Variants in ZPBP observed in about 807,000 individuals in gnomAD.
ZPBP encodes zona pellucida binding protein, also known as zona pellucida-binding protein 1.
In ZPBP, 26 loss-of-function variants were observed where a neutral mutation model predicts 44.8. The ratio of observed to expected loss-of-function variants is 0.58; its 90% confidence interval spans 0.43 to 0.81. The LOEUF (loss-of-function observed/expected upper bound fraction) is 0.81. ZPBP is among the 30% of genes least tolerant of loss of function. ZPBP has a pLI of 0.00. For synonymous variants in ZPBP, 174 were observed against 153.2 expected (o/e 1.14, Z -1.00); for missense variants, 409 against 434.0 (o/e 0.94, Z 0.51).
chr7:50,086,130 TGG>T (rs1802634089), intron 2 of ZPBP, among the ~76,000 whole-genome samples: 1 of 152,152 alleles, frequency 6.6e-6, no homozygotes, highest in African/African-American at 2.4e-5. Context: ...GAGATTTCAG[TGG>T]TTATGGGATA....
At chr7:50,005,817 CTA>C (rs1300340516) in intron 6 of ZPBP, among the ~76,000 whole-genome samples, 42 of 119,216 alleles carry the variant, frequency 3.5e-4, no homozygotes, top group Admixed American at 2.9e-3. Context: ...AACTTCATAA[CTA>C]TATATGTGTG....
In ZPBP at chr7:49,903,116, G is replaced by T. The variant is rs1792866382; in HGVS notation, n.412-1901C>A. The stretch of plus-strand genomic sequence containing the variant: ...ACAAAAACTTGTGACAAGATCAAAT[G>T]CTGGTAAAGATGTGAGTAAACTGGA... On this transcript the variant is annotated intron_variant and non_coding_transcript_variant, in intron 1 of 2. Coordinates refer to the ZPBP transcript ENST00000465922. 2.0e-5 allele frequency among the ~76,000 whole-genome samples: 3 copies of T among 152,142 alleles called. 1 individual carries two copies. In the South Asian group the frequency reaches 6.2e-4, roughly 31 times the overall value.
chr7:50,036,772 T>C (rs1369007850), intron 4 of ZPBP, among the ~76,000 whole-genome samples: 1 of 151,436 alleles, frequency 6.6e-6, no homozygotes, highest in African/African-American at 2.4e-5. Flanking sequence ...ACCCAAAAAA[T>C]AGAAAGAAAA....
intron 3 of ZPBP, among the ~76,000 whole-genome samples, chr7:50,073,705 G>A (rs1801953269): frequency 6.6e-6 from 1 of 152,104 alleles, no homozygotes; most frequent in Non-Finnish European, 1.5e-5. Flanking sequence ...TCTGGCAGCA[G>A]ACTTTTCAGT....
chr7:50,047,924 T>C (rs1800469756), intron 4 of ZPBP, among the ~76,000 whole-genome samples: 1 of 152,150 alleles, frequency 6.6e-6, no homozygotes. Context: ...ATGAGAAATA[T>C]GTTTCCGTTG....
downstream of ZPBP, among the ~76,000 whole-genome samples, chr7:49,932,733 A>G (rs1794488426): frequency 6.6e-6 from 1 of 152,128 alleles, no homozygotes; most frequent in Non-Finnish European, 1.5e-5. Context: ...TATATGGTTT[A>G]GCTGTGTCCC....
In ZPBP at chr7:50,093,121, C is replaced by T. The variant is rs61696422; in HGVS notation, c.74G>A (p.Arg25Gln). The T allele has an allele frequency of 3.1e-5, 49 of 1,580,462 alleles. No individual in the cohort carries two copies. Among genetic ancestry groups the T allele is most frequent in the African/African-American group, 6.8e-5 (5 of 73,742 alleles). The stretch of plus-strand genomic sequence containing the variant: ...GGAGATAAAGAGGAGGATGGCGGCC[C>T]GAGAGAGCAGGGAGCCGGCGGCCCG... ...RTRAAGSLLS[R>Q]AAILLFISAF... Residue 25 changes from arginine to glutamine, a missense_variant, in exon 1 of 8, where the codon CGG becomes CAG. Physicochemically the swap from Arg to Gln is conservative, Grantham distance 43. Coordinates refer to ENST00000046087, the MANE Select transcript of ZPBP (RefSeq NM_007009.3).
At chr7:50,054,192 T>G (rs1342273452) in intron 4 of ZPBP, among the ~76,000 whole-genome samples, 1 of 151,882 alleles carries the variant, frequency 6.6e-6, no homozygotes, top group Non-Finnish European at 1.5e-5. Flanking sequence ...GGAAACAATC[T>G]CTTAGAAAAC....
chr7:49,959,502 A>G (rs1795758203), intron 7 of ZPBP, among the ~76,000 whole-genome samples: 1 of 152,142 alleles, frequency 6.6e-6, no homozygotes, highest in African/African-American at 2.4e-5. Flanking sequence ...AAATAACTCA[A>G]TTTAAAAGAG....
At chr7:49,969,803 GTATA>G (rs754621506) in intron 7 of ZPBP, among the ~76,000 whole-genome samples, 1,822 of 133,184 alleles carry the variant, frequency 0.014, 24 homozygotes, top group East Asian at 0.083. Context: ...GTTAATAAAT[GTATA>G]TATATATATA....
chr7:49,922,064 A>C (rs1331265404), intron 1 of ZPBP: 4 of 152,204 alleles, frequency 2.6e-5, no homozygotes, highest in African/African-American at 9.6e-5. Context: ...AAAATACTTA[A>C]AATGCTTTAA....
At chr7:50,008,494 T>C (rs1798417296) in intron 6 of ZPBP, among the ~76,000 whole-genome samples, 1 of 151,932 alleles carries the variant, frequency 6.6e-6, no homozygotes, top group Non-Finnish European at 1.5e-5. Flanking sequence ...CCAATGCCAT[T>C]TTTTTTGCAG....
rs573916395 is a variant in ZPBP, at chr7:49,937,968, A to G, written c.962-346T>C. ...CCCTTGCATGCATGCACAGTTGACAATAGGGTTGGTACTCCTATGAGAATC... is the reference window on the plus strand; with the variant it reads ...CCCTTGCATGCATGCACAGTTGACAGTAGGGTTGGTACTCCTATGAGAATC... On this transcript the variant is annotated intron_variant, in intron 7 of 7. Transcript: ENST00000046087. Among the ~76,000 whole-genome samples the G allele has an allele frequency of 2.6e-5, 4 of 152,300 alleles. No individual in the cohort carries two copies. In the South Asian group the frequency reaches 8.3e-4, roughly 32 times the overall value.
chr7:50,011,456 T>C (rs1478627680), intron 6 of ZPBP, among the ~76,000 whole-genome samples: 1 of 152,150 alleles, frequency 6.6e-6, no homozygotes, highest in Admixed American at 6.6e-5. Context: ...CTAAAATATT[T>C]ACTATGTGGT....
At chr7:49,931,315 G>A (rs1794435367) in intron 1 of ZPBP, among the ~76,000 whole-genome samples, 1 of 152,212 alleles carries the variant, frequency 6.6e-6, no homozygotes, top group Non-Finnish European at 1.5e-5. Flanking sequence ...AGTTTGGAGG[G>A]CTCAGAAGAA....
In ZPBP at chr7:49,943,564, C is replaced by T. The variant is rs142922634; in HGVS notation, c.962-5942G>A. ...CAGAAGCTGAATAAATGCTCCTTTG[C>T]GAAAGGGGTCAGTAAGACTTGCATG... On this transcript the variant is annotated intron_variant, in intron 7 of 7. Coordinates refer to ENST00000046087, the MANE Select transcript of ZPBP (RefSeq NM_007009.3). The T allele has an allele frequency of 1.3e-3, 511 of 379,760 alleles. 1 individual carries two copies. Among genetic ancestry groups the T allele is most frequent in the African/African-American group, 9.1e-3 (421 of 46,482 alleles). 23.5% of individuals were successfully genotyped at this position (379,760 alleles called of 1,614,324 possible).
intron 6 of ZPBP, among the ~76,000 whole-genome samples, chr7:50,010,473 A>G (rs1025175539): frequency 3.3e-5 from 5 of 152,162 alleles, no homozygotes; most frequent in South Asian, 2.1e-4. Flanking sequence ...ATAGAAAATT[A>G]CTAAAACGTT....
the ZPBP span, among the ~76,000 whole-genome samples, chr7:49,842,403 A>G: frequency 6.6e-6 from 1 of 152,192 alleles, no homozygotes; most frequent in East Asian, 1.9e-4. Flanking sequence ...TTTTAATTGG[A>G]TGCCTTTAGG....
chr7:50,072,553 T>C (rs1397318628), intron 3 of ZPBP, among the ~76,000 whole-genome samples: 4 of 152,220 alleles, frequency 2.6e-5, no homozygotes, highest in Non-Finnish European at 5.9e-5. Context: ...GCTTCAGGTC[T>C]GACCCAGTGT....
Sources: allele counts gnomAD v4.1 joint callset (sites outside exome capture counted in the v4.1 genomes callset), GRCh38; gene constraint gnomAD v4.1.1; transcripts MANE v1.5; gene names NCBI Gene and HGNC (gene_info 2026-07-23, HGNC 2026-07-21).